The following TMTC2 variants were observed in gnomAD, a reference collection of about 807,000 sequenced individuals.
TMTC2 encodes transmembrane O-mannosyltransferase targeting cadherins 2.
Under a neutral mutation model 82.4 loss-of-function variants are expected in TMTC2, and 43 were observed. The observed-to-expected ratio is 0.52, with a 90% CI of 0.41 to 0.67. The LOEUF (loss-of-function observed/expected upper bound fraction) is 0.67, where lower values mean the gene tolerates loss of function less well. Ranked by LOEUF, TMTC2 falls within the 30% of genes least tolerant of loss-of-function variation. The pLI, the probability that TMTC2 is intolerant of heterozygous loss-of-function variation, is 0.00. For missense variants in TMTC2, 919 were observed against 1,012.4 expected (o/e 0.91, Z 1.25); for synonymous variants, 408 against 381.9 (o/e 1.07, Z -0.80).
At chr12:82,716,503 A>T (rs374298529) in intron 1 of TMTC2, among the ~76,000 whole-genome samples, 74 of 151,278 alleles carry the variant, frequency 4.9e-4, no homozygotes, top group African/African-American at 1.6e-3. Context: ...AGCTGGGACT[A>T]CAGGCGCGCG....
chr12:82,805,324 G>T (rs1027429232), intron 1 of TMTC2, among the ~76,000 whole-genome samples: 2 of 151,980 alleles, frequency 1.3e-5, no homozygotes, highest in Non-Finnish European at 2.9e-5. Flanking sequence ...AAAGTACTTT[G>T]ATTTCTTTAT....
At chr12:82,994,465 G>A (rs1395607239) in intron 8 of TMTC2, among the ~76,000 whole-genome samples, 1 of 152,092 alleles carries the variant, frequency 6.6e-6, no homozygotes, top group Non-Finnish European at 1.5e-5. Context: ...TAACTTGTCT[G>A]TTTGGTTTCT....
At chr12:82,863,722 C>T (rs144387869) in intron 2 of TMTC2, among the ~76,000 whole-genome samples, 108 of 152,134 alleles carry the variant, frequency 7.1e-4, no homozygotes, top group African/African-American at 1.1e-3. Flanking sequence ...CTTGGAACAA[C>T]GATCTATTCA....
intron 11 of TMTC2, among the ~76,000 whole-genome samples, chr12:83,078,083 A>AG (rs915097493): frequency 6.6e-6 from 1 of 151,944 alleles, no homozygotes; most frequent in African/African-American, 2.4e-5. Context: ...CACTGAAGGT[A>AG]GGCCAGGTGA....
chr12:82,766,719 A>C (rs1461685408), intron 1 of TMTC2, among the ~76,000 whole-genome samples: 2 of 152,216 alleles, frequency 1.3e-5, no homozygotes, highest in African/African-American at 4.8e-5. Flanking sequence ...TCCCACTTAC[A>C]TTGTAGGCAA....
chr12:82,946,419 T>C (rs2137270905), intron 4 of TMTC2, among the ~76,000 whole-genome samples: 1 of 152,296 alleles, frequency 6.6e-6, no homozygotes, highest in East Asian at 1.9e-4. Flanking sequence ...CCTTCTCTCT[T>C]TCTCCCTTCT....
At chr12:82,743,377 G>A (rs770260698) in intron 1 of TMTC2, among the ~76,000 whole-genome samples, 3 of 151,202 alleles carry the variant, frequency 2.0e-5, no homozygotes, top group Non-Finnish European at 4.4e-5. Context: ...GACCCAGGAG[G>A]CAGAGGTTGC....
chr12:82,760,250 C>A (rs748222258), intron 1 of TMTC2: 1 of 151,990 alleles, frequency 6.6e-6, no homozygotes, highest in South Asian at 2.1e-4. Flanking sequence ...TTTGTTGAAT[C>A]TCTAGGCAGA....
At chr12:82,973,252 G>A (rs2403024) in intron 7 of TMTC2, among the ~76,000 whole-genome samples, 110,971 of 152,072 alleles carry the variant, frequency 0.73, 42,195 homozygotes, top group South Asian at 0.88. Context: ...CCATATAACT[G>A]GATTAGTCAT....
intron 2 of TMTC2, among the ~76,000 whole-genome samples, chr12:82,871,631 A>G (rs1256378027): frequency 6.6e-6 from 1 of 151,610 alleles, no homozygotes; most frequent in African/African-American, 2.4e-5. Context: ...TGGTTAGGGA[A>G]GAGTCAAGAG....
At chr12:82,990,556 C>T in intron 8 of TMTC2, among the ~76,000 whole-genome samples, 1 of 151,992 alleles carries the variant, frequency 6.6e-6, no homozygotes, top group East Asian at 1.9e-4. Flanking sequence ...TAAGCAGTTC[C>T]TTTTTTGTTT....
At chr12:82,756,732 C>T (rs1207553912) in intron 1 of TMTC2, among the ~76,000 whole-genome samples, 1 of 152,102 alleles carries the variant, frequency 6.6e-6, no homozygotes, top group East Asian at 1.9e-4. Flanking sequence ...TTTATTTTGG[C>T]CTAGCAGCAT....
chr12:82,907,135 G>A (rs1874358432), intron 3 of TMTC2, among the ~76,000 whole-genome samples: 1 of 152,088 alleles, frequency 6.6e-6, no homozygotes, highest in Admixed American at 6.6e-5. Context: ...TTTTCCATTT[G>A]GGATGGGGGA....
chr12:82,898,590 C>G (rs905514808), intron 3 of TMTC2, among the ~76,000 whole-genome samples: 2 of 152,104 alleles, frequency 1.3e-5, no homozygotes, highest in African/African-American at 2.4e-5. Flanking sequence ...TCTCAGAATC[C>G]AAGCTATTTC....
At chr12:83,085,056 G>A (rs1013464298) in intron 11 of TMTC2, among the ~76,000 whole-genome samples, 1 of 152,204 alleles carries the variant, frequency 6.6e-6, no homozygotes. Context: ...TTATGTAGGG[G>A]TTGGTTGTGA....
chr12:83,014,255 T>C (rs1880577830), intron 8 of TMTC2, among the ~76,000 whole-genome samples: 1 of 152,288 alleles, frequency 6.6e-6, no homozygotes, highest in South Asian at 2.1e-4. Context: ...CTCTGCCTTC[T>C]GCACTCAAGT....
chr12:82,907,179 TG>T (rs1191652023), intron 3 of TMTC2, among the ~76,000 whole-genome samples: 1 of 152,008 alleles, frequency 6.6e-6, no homozygotes, highest in Admixed American at 6.6e-5. Context: ...AAGAATGAAT[TG>T]GGGCCGGGCG....
At chr12:83,127,774 C>T (rs1423900814) in intron 11 of TMTC2, among the ~76,000 whole-genome samples, 1 of 152,072 alleles carries the variant, frequency 6.6e-6, no homozygotes, top group Non-Finnish European at 1.5e-5. Context: ...TAGAATCAGA[C>T]CTCCATCATC....
chr12:82,794,422 A>G (rs1465068803), intron 1 of TMTC2, among the ~76,000 whole-genome samples: 1 of 152,172 alleles, frequency 6.6e-6, no homozygotes, highest in Admixed American at 6.5e-5. Context: ...GTGACATTTC[A>G]TAGAGCAGGC....
Sources: gnomAD v4.1 joint callset for allele counts (sites outside exome capture counted in the v4.1 genomes callset) on GRCh38, gnomAD v4.1.1 for gene constraint, MANE v1.5 for transcripts, NCBI Gene and HGNC (gene_info 2026-07-23, HGNC 2026-07-21) for gene names.